KIR3DL3: variants seen among roughly 807,000 people sequenced by gnomAD.
KIR3DL3 encodes killer cell immunoglobulin like receptor, three Ig domains and long cytoplasmic tail 3, also known as killer cell immunoglobulin-like receptor 3DL3.
In KIR3DL3, 27 loss-of-function variants were observed where a neutral mutation model predicts 34.9. That is an observed-to-expected ratio of 0.77 (90% CI 0.57 to 1.07). The LOEUF (loss-of-function observed/expected upper bound fraction) is 1.07, where lower values mean the gene tolerates loss of function less well. Ranked by LOEUF, KIR3DL3 falls within the 50% of genes least tolerant of loss-of-function variation. The pLI is 0.00. For synonymous variants in KIR3DL3, 217 were observed against 200.2 expected, an observed-to-expected ratio of 1.08 and a Z score of -0.71; for missense variants, 681 against 528.5, an observed-to-expected ratio of 1.29 and a Z score of -2.83.
At chr19:54,728,467 T>C (rs2068444002) in intron 4 of KIR3DL3, among the ~76,000 whole-genome samples, 1 of 143,454 alleles carries the variant, frequency 7.0e-6, no homozygotes, top group Non-Finnish European at 1.5e-5. Flanking sequence ...GTTCCTGGAG[T>C]CCCCATACTG....
intron 1 of KIR3DL3, 139 bp downstream of exon 1, chr19:54,724,669 G>A: frequency 6.7e-7 from 1 of 1,484,712 alleles, no homozygotes. Context: ...CTGGGGTGGA[G>A]ATATGGGCCT....
intron 5 of KIR3DL3, 108 bp downstream of exon 5, chr19:54,729,894 A>C: frequency 4.8e-6 from 5 of 1,048,988 alleles, no homozygotes; most frequent in Non-Finnish European, 6.8e-6. Flanking sequence ...GACAGAACAC[A>C]CAGCATGGGT....
chr19:54,727,962 A>T, intron 4 of KIR3DL3, 52 bp downstream of exon 4: 1 of 1,530,138 alleles, frequency 6.5e-7, no homozygotes, highest in African/African-American at 1.4e-5. Flanking sequence ...GGAGTGAATG[A>T]TCTAGGACTG....
At position 54,727,648 on chromosome 19, in the gene KIR3DL3, T is replaced by G. The variant is rs765826882; in HGVS notation, c.393T>G (p.Gly131=). The change falls in exon 4 of 8, where the codon GGT becomes GGG. Residue 131 remains glycine, a synonymous_variant. Coordinates refer to ENST00000291860, the MANE Select transcript of KIR3DL3 (RefSeq NM_153443.5). ...AACCTTCCCTCCTGGCCCACCCAGG[T>G]CCCCTGGTGAAATCAGGAGAGACGG... ...HRKPSLLAHP[G]PLVKSGETVI... The G allele has an allele frequency of 1.9e-6, 3 of 1,611,626 alleles. No homozygotes were observed. In the African/African-American group the frequency reaches 4.0e-5, roughly 22 times the overall value.
At chr19:54,725,933 C>T in intron 2 of KIR3DL3, 120 bp from the exon 3 acceptor site, 1 of 955,548 alleles carries the variant, frequency 1.0e-6, no homozygotes, top group Non-Finnish European at 1.6e-6. Context: ...TCCTGTAGCC[C>T]TGGGCACCCA....
chr19:54,732,978 C>A (rs3815429), intron 5 of KIR3DL3, among the ~76,000 whole-genome samples: 3 of 151,758 alleles, frequency 2.0e-5, no homozygotes, highest in South Asian at 2.1e-4. Flanking sequence ...TCTAGGAGAC[C>A]GTGGAAAAGG....
In KIR3DL3 at chr19:54,736,483, A is replaced by G. The variant is rs1463174071; in HGVS notation, c.*387A>G. ...AGGAACTCACAATTCCAAACATATA[A>G]GAGGCTCCCTCTTAACACGGCACTT... is the stretch of plus-strand genomic sequence containing the variant. On this transcript the variant is annotated 3_prime_UTR_variant, in exon 8 of 8. Transcript: ENST00000291860. The G allele has an allele frequency of 6.7e-6, 2 of 298,946 alleles. No individual in the cohort carries two copies. Among genetic ancestry groups the G allele is most frequent in the East Asian group, 1.0e-4 (2 of 19,344 alleles). The allele number at this position is 298,946 out of a possible 1,614,324, so 18.5% of individuals were successfully genotyped here.
chr19:54,735,742 T>G lies in KIR3DL3; in HGVS notation c.1055-78T>G, dbSNP rs1193731044. On this transcript the variant is annotated intron_variant, in intron 6 of 7. Coordinates refer to ENST00000291860, the MANE Select transcript of KIR3DL3 (RefSeq NM_153443.5). ...ACCTCAGGCACCTATGGCCTCCCCC[T>G]GTATGTTGGTATCTGCTTATGAAAT... is the stretch of plus-strand genomic sequence containing the variant. 8.2e-5 allele frequency: 125 copies of G among 1,520,490 alleles called. 2 individuals carry two copies. The highest frequency in any genetic ancestry group is 1.1e-4 in the Non-Finnish European group (121 of 1,108,406). The allele number at this position is 1,520,490 out of a possible 1,614,324, so 94.2% of individuals were successfully genotyped here. A position where few individuals can be genotyped will look rare whatever the true frequency, so the allele number is the denominator to read the frequency against.
intron 5 of KIR3DL3, among the ~76,000 whole-genome samples, chr19:54,733,318 G>T (rs1435724273): frequency 6.6e-6 from 1 of 152,092 alleles, no homozygotes; most frequent in African/African-American, 2.4e-5. Context: ...GATCACTTAA[G>T]GGTAGGAGTT....
intron 3 of KIR3DL3, among the ~76,000 whole-genome samples, chr19:54,726,878 G>A (rs2068240485): frequency 7.9e-6 from 1 of 127,242 alleles, no homozygotes; most frequent in South Asian, 2.8e-4. Flanking sequence ...AGAGAGAACT[G>A]GGTCCGATTT....
At position 54,735,287 on chromosome 19, in the gene KIR3DL3, C is replaced by T; in HGVS notation, c.984C>T (p.Thr328=). 6.5e-7 allele frequency: 1 copy of T among 1,530,474 alleles called. No individual in the cohort carries two copies. The highest frequency in any genetic ancestry group is 9.0e-7 in the Non-Finnish European group (1 of 1,110,556). The allele number at this position is 1,530,474 out of a possible 1,614,324, so 94.8% of individuals were successfully genotyped here. ...GAAACCTGCACGTTCTGATTGGGAC[C>T]TCAGTGGTCATCATCCCCTTTGCTA... The part of the protein sequence containing the change: ...NSRNLHVLIG[T]SVVIIPFAIL... Residue 328 remains threonine (T), a synonymous_variant, in exon 6 of 8, where the codon ACC becomes ACT. Coordinates refer to ENST00000291860, the MANE Select transcript of KIR3DL3 (RefSeq NM_153443.5).
rs2069501039 is a variant in KIR3DL3 at position 54,735,849 on chromosome 19, G to A, written c.1084G>A (p.Gly362Arg). Residue 362 changes from glycine (G) to arginine (R), a missense_variant, in exon 7 of 8, where the codon GGG (glycine) becomes AGG (arginine). Gly to Arg is a moderately radical substitution (Grantham distance 125, BLOSUM62 -2). Transcript: ENST00000291860. ...NAVVMDQEPA[G>R]NRTVNREDSD... ...TGTTGTAATGGACCAAGAGCCTGCA[G>A]GGAACAGAACAGTGAACAGGGAGGT... The A allele has an allele frequency of 3.7e-6, 6 of 1,607,518 alleles. 1 individual carries two copies. The Admixed American group carries it at 5.1e-5, about 14-fold the overall frequency.
At chr19:54,727,408 G>C (rs1279766762) in intron 3 of KIR3DL3, among the ~76,000 whole-genome samples, 2 of 135,448 alleles carry the variant, frequency 1.5e-5, no homozygotes, top group Admixed American at 1.7e-4. Flanking sequence ...GGGAATCAGG[G>C]CTACTAGAGA....
intron 5 of KIR3DL3, 137 bp downstream of exon 5, chr19:54,729,923 C>T (rs62132684): frequency 3.3e-5 from 17 of 518,014 alleles, no homozygotes; most frequent in East Asian, 1.6e-4. Flanking sequence ...GGGGTCAGGG[C>T]GCAGGATGGC....
chr19:54,735,015 GT>G (rs2069314203), intron 5 of KIR3DL3, among the ~76,000 whole-genome samples: 2 of 142,064 alleles, frequency 1.4e-5, no homozygotes, highest in African/African-American at 5.4e-5. Context: ...CACTCTGGGG[GT>G]TACATTTCAA....
At position 54,735,350 on chromosome 19, in the gene KIR3DL3, C is replaced by G. The variant is rs754670459; in HGVS notation, c.1047C>G (p.Asn349Lys). The change falls in exon 6 of 8, where the codon AAC (asparagine) becomes AAG (lysine). Residue 349 changes from asparagine to lysine, a missense_variant. Asn to Lys is a moderately conservative substitution (Grantham distance 94). Coordinates refer to ENST00000291860, the MANE Select transcript of KIR3DL3 (RefSeq NM_153443.5). ...TTCTCCTTCATCGCTGGTGTGCCAA[C>G]AAAAAGAGTAAGTCTCACGAAGCAG... Reference protein sequence around the residue: ...LFFLLHRWCANKKNAVVMDQE... With the variant: ...LFFLLHRWCAKKKNAVVMDQE... 12 of 1,362,274 alleles carry G rather than the reference C, an allele frequency of 8.8e-6. No homozygotes were observed. Among genetic ancestry groups the G allele is most frequent in the Non-Finnish European group, 1.3e-5 (12 of 955,300 alleles). The allele number at this position is 1,362,274 out of a possible 1,614,324, so 84.4% of individuals were successfully genotyped here.
At chr19:54,728,853 GAT>G (rs2068480368) in intron 4 of KIR3DL3, among the ~76,000 whole-genome samples, 1 of 149,532 alleles carries the variant, frequency 6.7e-6, no homozygotes, top group Non-Finnish European at 1.5e-5. Context: ...TGGACAGATA[GAT>G]ATAGATAGAT....
At position 54,727,494 on chromosome 19, in the gene KIR3DL3, G is replaced by A. The variant is rs2068315507; in HGVS notation, c.356-117G>A. The A allele has an allele frequency of 9.9e-6, 9 of 906,086 alleles. No individual in the cohort carries two copies. In the South Asian group the frequency reaches 1.5e-4, roughly 15 times the overall value. The allele number at this position is 906,086 out of a possible 1,614,324, so 56.1% of individuals were successfully genotyped here. The stretch of plus-strand genomic sequence containing the variant: ...GGTTATGGGCACAAAAGAACACGGA[G>A]ACACAGACAGGAAGGAGAGAGATAG... On this transcript the variant is annotated intron_variant, in intron 3 of 7. Coordinates refer to ENST00000291860, the MANE Select transcript of KIR3DL3 (RefSeq NM_153443.5).
rs1438186527 is a variant in KIR3DL3 at position 54,727,960 on chromosome 19, T to C, written c.655+50T>C. 10 of 1,549,762 alleles carry C rather than the reference T, an allele frequency of 6.5e-6. No homozygotes were observed. In the African/African-American group the frequency reaches 1.2e-4, roughly 19 times the overall value. On this transcript the variant is annotated intron_variant, in intron 4 of 7. Coordinates refer to ENST00000291860, the MANE Select transcript of KIR3DL3 (RefSeq NM_153443.5). Reference sequence around the variant, plus strand: ...CACCCTTGCTGGGAGATGGAGTGAATGATCTAGGACTGGAAGCCCCAGGTG... The same window carrying C: ...CACCCTTGCTGGGAGATGGAGTGAACGATCTAGGACTGGAAGCCCCAGGTG...
Sources: gnomAD v4.1 joint callset for allele counts (sites outside exome capture counted in the v4.1 genomes callset) on GRCh38, gnomAD v4.1.1 for gene constraint, MANE v1.5 for transcripts, NCBI Gene and HGNC (gene_info 2026-07-23, HGNC 2026-07-21) for gene names.